Variants in WDR64 observed in about 807,000 individuals in gnomAD.
The protein encoded by WDR64 is WD repeat domain 64.
WDR64 carries 112 observed loss-of-function variants against 139.3 expected under a neutral mutation model. The observed-to-expected ratio is 0.80, with a 90% CI of 0.69 to 0.94. The LOEUF is 0.94. Among genes scored for constraint, WDR64 ranks in the 40% least tolerant of loss-of-function variants. The pLI is 0.00. For synonymous variants in WDR64, 444 were observed against 437.7 expected, an observed-to-expected ratio of 1.01 and a Z score of -0.18; for missense variants, 1,206 against 1,293.1, an observed-to-expected ratio of 0.93 and a Z score of 1.03.
intron 14 of WDR64, among the ~76,000 whole-genome samples, chr1:241,750,579 G>A (rs759444891): frequency 1.3e-5 from 2 of 152,170 alleles, no homozygotes; most frequent in Non-Finnish European, 2.9e-5. Flanking sequence ...GCTTTACAAA[G>A]TGCCATTGTT....
rs776664953 is a variant in WDR64 at position 241,671,088 on chromosome 1, C to T, written c.291C>T (p.Phe97=). 5.2e-6 allele frequency: 8 copies of T among 1,548,658 alleles called. No individual in the cohort carries two copies. In the African/African-American group the frequency reaches 9.6e-5, roughly 19 times the overall value. Residue 97 remains phenylalanine (F), a synonymous_variant, in exon 3 of 28, where the codon TTC becomes TTT. Coordinates refer to ENST00000437684, the MANE Select transcript of WDR64 (RefSeq NM_001367482.1). ...TGGGATTTCAGATCTTTGGATACTT[C>T]TCCTCTGAAGAAGATCCTATTGCTT... is the stretch of plus-strand genomic sequence containing the variant. ...SADWCEIFGY[F]SSEEDPIASQ...
chr1:241,707,406 C>G (rs572738971), intron 8 of WDR64, among the ~76,000 whole-genome samples: 1 of 152,306 alleles, frequency 6.6e-6, no homozygotes, highest in Admixed American at 6.5e-5. Context: ...GAGCCCTAGA[C>G]ATTCTTTGAT....
chr1:241,656,900 GTGTGTGTGTGTC>G lies in WDR64; in HGVS notation c.146-3626_146-3615del, dbSNP rs1030729159. 1.4e-4 allele frequency among the ~76,000 whole-genome samples: 21 copies of G among 151,460 alleles called. No individual in the cohort carries two copies. Among genetic ancestry groups the G allele is most frequent in the African/African-American group, 2.4e-4 (10 of 41,178 alleles). On this transcript the variant is annotated intron_variant, in intron 1 of 27. Transcript: ENST00000437684. The surrounding 1 kb of genome is among the most constrained non-coding windows in gnomAD (Gnocchi z 4.3). ...TGTGTGTGTGTGTGTGTGTGTGTGT[GTGTGTGTGTGTC>G]TGTCTGGGGATGGAGGTGAGGTGCA...
rs1658610361 is a variant in WDR64 at position 241,775,102 on chromosome 1, T to C, written c.2431-3T>C. 2 of 1,548,942 alleles carry C rather than the reference T, an allele frequency of 1.3e-6. No homozygotes were observed. The highest frequency in any genetic ancestry group is 2.0e-5 in the Admixed American group (1 of 50,906). On this transcript the variant is annotated splice_polypyrimidine_tract_variant and splice_region_variant and intron_variant, in intron 20 of 27. Coordinates refer to ENST00000437684, the MANE Select transcript of WDR64 (RefSeq NM_001367482.1). Reference sequence around the variant, plus strand: ...AGTTTTATTTGCATTATACTTTATTTAGGGAAGACTACTGAAAGATATGCT... The same window carrying C: ...AGTTTTATTTGCATTATACTTTATTCAGGGAAGACTACTGAAAGATATGCT...
At chr1:241,696,433 G>C (rs1027679575) in intron 8 of WDR64, among the ~76,000 whole-genome samples, 2 of 152,102 alleles carry the variant, frequency 1.3e-5, no homozygotes. Context: ...AATTTATTAA[G>C]AAAGTAAAGG....
intron 22 of WDR64, 73 bp downstream of exon 22, chr1:241,780,135 C>A: frequency 8.1e-7 from 1 of 1,231,930 alleles, no homozygotes; most frequent in Non-Finnish European, 1.1e-6. Flanking sequence ...GTGCTAGACA[C>A]CATAAAGGAT....
intron 23 of WDR64, among the ~76,000 whole-genome samples, chr1:241,784,089 G>T (rs1658947784): frequency 6.6e-6 from 1 of 152,198 alleles, no homozygotes; most frequent in Non-Finnish European, 1.5e-5. Flanking sequence ...CATAAAAGTT[G>T]CTGGACTGAA....
intron 24 of WDR64, among the ~76,000 whole-genome samples, chr1:241,790,127 G>T (rs1659168690): frequency 6.6e-6 from 1 of 152,144 alleles, no homozygotes; most frequent in Non-Finnish European, 1.5e-5. Context: ...GAGGCAGGCA[G>T]ATCACTTGAG....
intron 23 of WDR64, among the ~76,000 whole-genome samples, chr1:241,787,514 A>C (rs1659082246): frequency 6.6e-6 from 1 of 151,624 alleles, no homozygotes. Flanking sequence ...AAAATACAAG[A>C]ATTAGCCAAG....
intron 12 of WDR64, 106 bp downstream of exon 12, chr1:241,741,770 G>A (rs751165161): frequency 2.8e-5 from 33 of 1,159,510 alleles, no homozygotes; most frequent in African/African-American, 1.4e-4. Flanking sequence ...CGGCACATAC[G>A]ATGAGACCAT....
At chr1:241,711,717 C>T (rs1651021655) in intron 8 of WDR64, 85 bp from the exon 9 acceptor site, 6 of 1,356,404 alleles carry the variant, frequency 4.4e-6, no homozygotes, top group Non-Finnish European at 5.2e-6. Context: ...TAGAAATGAG[C>T]CTATCAAACA....
intron 15 of WDR64, among the ~76,000 whole-genome samples, chr1:241,762,861 A>C (rs1657985228): frequency 6.6e-6 from 1 of 152,036 alleles, no homozygotes; most frequent in African/African-American, 2.4e-5. Context: ...ATACTGTATT[A>C]GTTTTCCTCA....
At chr1:241,780,344 G>A (rs1384355696) in intron 22 of WDR64, among the ~76,000 whole-genome samples, 1 of 152,146 alleles carries the variant, frequency 6.6e-6, no homozygotes, top group Non-Finnish European at 1.5e-5. Context: ...CCCAGAGTTA[G>A]AAAAAGTTCA....
At chr1:241,791,321 TCTCTGACCATGTGGTCACACAGCC>T (rs1249258569) in intron 25 of WDR64, among the ~76,000 whole-genome samples, 1 of 152,024 alleles carries the variant, frequency 6.6e-6, no homozygotes, top group African/African-American at 2.4e-5. Context: ...ATTTGTCCCC[TCTCTGACCATGTGGTCACACAGCC>T]CTCTGACCCA....
intron 9 of WDR64, among the ~76,000 whole-genome samples, chr1:241,715,257 C>T (rs1275855510): frequency 2.0e-5 from 3 of 152,130 alleles, no homozygotes; most frequent in African/African-American, 7.2e-5. Flanking sequence ...TAAAGATCTC[C>T]ATACTGAAGT....
At chr1:241,701,703 C>T (rs1055732668) in intron 8 of WDR64, among the ~76,000 whole-genome samples, 1 of 152,146 alleles carries the variant, frequency 6.6e-6, no homozygotes, top group Middle Eastern at 3.4e-3. Context: ...TTTTCAACTA[C>T]TTCCTCACTT....
At chr1:241,702,655 T>G (rs146686188) in intron 8 of WDR64, among the ~76,000 whole-genome samples, 81 of 152,308 alleles carry the variant, frequency 5.3e-4, no homozygotes, top group African/African-American at 1.9e-3. Context: ...CAAGGCCAGA[T>G]CCAATGAGTC....
At chr1:241,792,307 T>C (rs1472096504) in intron 25 of WDR64, among the ~76,000 whole-genome samples, 2 of 152,022 alleles carry the variant, frequency 1.3e-5, no homozygotes, top group East Asian at 1.9e-4. Context: ...GAGGCCGAGG[T>C]GGGCAGATCA....
intron 23 of WDR64, among the ~76,000 whole-genome samples, chr1:241,785,992 G>A (rs1397339801): frequency 6.6e-6 from 1 of 152,198 alleles, no homozygotes; most frequent in African/African-American, 2.4e-5. Flanking sequence ...AGTCTCTTCA[G>A]TCCTGCCTAA....
Sources: allele counts gnomAD v4.1 joint callset (sites outside exome capture counted in the v4.1 genomes callset), GRCh38; gene constraint gnomAD v4.1.1; non-coding constraint Gnocchi (gnomAD v3.1); transcripts MANE v1.5; gene names NCBI Gene and HGNC (gene_info 2026-07-23, HGNC 2026-07-21).